The following NPR1 variants were observed in gnomAD, a reference collection of about 807,000 sequenced individuals.
NPR1 encodes atrial natriuretic peptide receptor 1.
Under a neutral mutation model 116.9 loss-of-function variants are expected in NPR1, and 57 were observed. That is an observed-to-expected ratio of 0.49 (90% confidence interval 0.39 to 0.61). The LOEUF (loss-of-function observed/expected upper bound fraction) is 0.61. NPR1 is among the 20% of genes least tolerant of loss of function. The pLI is 0.00. For synonymous variants in NPR1, 555 were observed against 601.6 expected (o/e 0.92, Z 1.13); for missense variants, 1,096 against 1,409.8 (o/e 0.78, Z 3.56).
Position 153,681,298 on chromosome 1 carries a change from G to A in NPR1, c.1035+5G>A, listed in dbSNP as rs770485039. ...TTCACCATGGAGGATGGCCTGGTAAGAAGGGGTCCCGGGACCCTCCAGCGT... is the reference window on the plus strand; with the variant it reads ...TTCACCATGGAGGATGGCCTGGTAAAAAGGGGTCCCGGGACCCTCCAGCGT... On this transcript the variant is annotated splice_donor_5th_base_variant and intron_variant, in intron 3 of 21. Coordinates refer to ENST00000368680, the MANE Select transcript of NPR1 (RefSeq NM_000906.4). 1 of 1,572,986 alleles carries A rather than the reference G, an allele frequency of 6.4e-7. No homozygotes were observed. The highest frequency in any genetic ancestry group is 1.1e-5 in the South Asian group (1 of 90,294).
intron 14 of NPR1, 33 bp from the exon 15 acceptor site, chr1:153,688,020 C>A: frequency 6.6e-7 from 1 of 1,505,416 alleles, no homozygotes; most frequent in Non-Finnish European, 9.1e-7. Context: ...TTGGCCAGCC[C>A]CACCCCTCAG....
intron 20 of NPR1, 32 bp from the exon 21 acceptor site, chr1:153,693,074 G>A: frequency 6.4e-7 from 1 of 1,558,516 alleles, no homozygotes; most frequent in Non-Finnish European, 8.8e-7. Context: ...CTCTCACATT[G>A]CTCACCTTCC....
chr1:153,693,398 G>C lies in NPR1; in HGVS notation c.3170G>C (p.Ser1057Thr). 6.2e-7 allele frequency: 1 copy of C among 1,611,880 alleles called. No homozygotes were observed. Among genetic ancestry groups the C allele is most frequent in the Non-Finnish European group, 8.5e-7 (1 of 1,178,956 alleles). The change falls in exon 22 of 22, where the codon AGT becomes ACT. Residue 1057 changes from serine (S) to threonine (T), a missense_variant. Physicochemically the swap from Ser to Thr is moderately conservative, Grantham distance 58. Coordinates refer to ENST00000368680, the MANE Select transcript of NPR1 (RefSeq NM_000906.4). ...RTYWLLGERG[S>T]STRG ...TACTGGCTCCTTGGGGAGAGGGGGA[G>C]TAGCACCCGAGGCTGACCTGCCTCC... is the stretch of plus-strand genomic sequence containing the variant.
chr1:153,684,797 A>G (rs1043567627), intron 7 of NPR1, among the ~76,000 whole-genome samples, 167 bp from the exon 8 acceptor site: 3 of 152,106 alleles, frequency 2.0e-5, no homozygotes, highest in Non-Finnish European at 4.4e-5. Context: ...GGTCCCCAGT[A>G]AGGCAGAATT....
chr1:153,679,242 A>G lies in NPR1; in HGVS notation c.134A>G (p.Asn45Ser). ...LTVAVVLPLA[N>S]TSYPWSWARV... Reference sequence around the variant, plus strand: ...GTAGCCGTGGTACTGCCGCTGGCCAATACCTCGTACCCCTGGTCGTGGGCG... The same window carrying G: ...GTAGCCGTGGTACTGCCGCTGGCCAGTACCTCGTACCCCTGGTCGTGGGCG... Residue 45 changes from asparagine (N) to serine (S), a missense_variant, in exon 1 of 22, where the codon AAT becomes AGT. Physicochemically the swap from Asn to Ser is conservative, Grantham distance 46. Transcript: ENST00000368680. This position sits in a 1 kb window ranked among gnomAD's most constrained non-coding sequence, Gnocchi z 4.2. 2 of 1,528,074 alleles carry G rather than the reference A, an allele frequency of 1.3e-6. No homozygotes were observed. The highest frequency in any genetic ancestry group is 1.4e-5 in the African/African-American group (1 of 70,736). 94.7% of individuals were successfully genotyped at this position (1,528,074 alleles called of 1,614,324 possible).
rs569905058 is a variant in NPR1, at chr1:153,693,983, A to C, written c.*569A>C. ...ATGAGCAGAGACAATTAAAATCTTT[A>C]TTCCAGTGACAGTGTCTCTTCTTGA... On this transcript the variant is annotated 3_prime_UTR_variant, in exon 22 of 22. Transcript: ENST00000368680. The C allele has an allele frequency of 2.0e-5, 8 of 391,214 alleles. No individual in the cohort carries two copies. The highest frequency in any genetic ancestry group is 4.4e-5 in the Admixed American group (1 of 22,480). The allele number at this position is 391,214 out of a possible 1,614,324, so 24.2% of individuals were successfully genotyped here.
chr1:153,689,168 C>A lies in NPR1; in HGVS notation c.2565-20C>A, dbSNP rs768151956. 3 of 1,614,208 alleles carry A rather than the reference C, an allele frequency of 1.9e-6. No individual in the cohort carries two copies. Among genetic ancestry groups the A allele is most frequent in the Non-Finnish European group, 1.7e-6 (2 of 1,180,022 alleles). On this transcript the variant is annotated intron_variant, in intron 16 of 21. Coordinates refer to ENST00000368680, the MANE Select transcript of NPR1 (RefSeq NM_000906.4). This position sits in a 1 kb window ranked among gnomAD's most constrained non-coding sequence, Gnocchi z 5.1. ...GTCCCGACCCCCAACTCTGATCCTG[C>A]ACCTGCCCTGACCCCTTAGCTCAGT...
intron 9 of NPR1, 90 bp from the exon 10 acceptor site, chr1:153,686,033 T>C: frequency 6.9e-7 from 1 of 1,457,626 alleles, no homozygotes. Context: ...GTGAGGGTCC[T>C]GAGGGCAGGG....
In NPR1 at chr1:153,693,685, C is replaced by T. The variant is rs1362004141; in HGVS notation, c.*271C>T. On this transcript the variant is annotated 3_prime_UTR_variant, in exon 22 of 22. Transcript: ENST00000368680. ...CACGCACCTGCTCTCCACCTGGACT[C>T]AGGCCGGGCTGGGCTGTGGATTCCT... The T allele has an allele frequency of 1.4e-5, 6 of 424,270 alleles. No homozygotes were observed. In the East Asian group the frequency reaches 1.8e-4, roughly 12 times the overall value. The allele number at this position is 424,270 out of a possible 1,614,324, so 26.3% of individuals were successfully genotyped here. A position where few individuals can be genotyped will look rare whatever the true frequency, so the allele number is the denominator to read the frequency against.
rs530930333 is a variant in NPR1 at position 153,683,637 on chromosome 1, C to T, written c.1400-103C>T. On this transcript the variant is annotated intron_variant, in intron 6 of 21. Coordinates refer to ENST00000368680, the MANE Select transcript of NPR1 (RefSeq NM_000906.4). ...GGAGAATGACTCCTGCCTTTTTCTTCCCTTCATCCATCATCCCAGTTCACT... is the reference window on the plus strand; with the variant it reads ...GGAGAATGACTCCTGCCTTTTTCTTTCCTTCATCCATCATCCCAGTTCACT... 9.4e-4 allele frequency: 1,456 copies of T among 1,542,968 alleles called. 4 individuals are homozygous for T. Among genetic ancestry groups the T allele is most frequent in the Middle Eastern group, 1.2e-3 (7 of 5,898 alleles).
chr1:153,679,020 C>T lies in NPR1; in HGVS notation c.-89C>T. 1 of 1,350,536 alleles carries T rather than the reference C, an allele frequency of 7.4e-7. No homozygotes were observed. 83.7% of individuals were successfully genotyped at this position (1,350,536 alleles called of 1,614,324 possible). On this transcript the variant is annotated 5_prime_UTR_variant, in exon 1 of 22. Coordinates refer to ENST00000368680, the MANE Select transcript of NPR1 (RefSeq NM_000906.4). The surrounding 1 kb of genome is among the most constrained non-coding windows in gnomAD (Gnocchi z 4.2). The stretch of plus-strand genomic sequence containing the variant: ...GCTCCTGCTCCTTCCCATAGGGACG[C>T]GCCTGATGCCTGGGACCGGCCGCTG...
Sources: allele counts gnomAD v4.1 joint callset (sites outside exome capture counted in the v4.1 genomes callset), GRCh38; gene constraint gnomAD v4.1.1; non-coding constraint Gnocchi (gnomAD v3.1); transcripts MANE v1.5; gene names NCBI Gene and HGNC (gene_info 2026-07-23, HGNC 2026-07-21).